ERG: variants seen among roughly 807,000 people sequenced by gnomAD.
ERG encodes ETS transcription factor ERG, also known as transcriptional regulator ERG.
A neutral mutation model predicts 55.3 loss-of-function variants in ERG; 9 were observed. The observed-to-expected ratio is 0.16, with a 90% CI of 0.10 to 0.28. ERG has a LOEUF of 0.28. ERG is among the 10% of genes least tolerant of loss of function. The pLI, the probability that ERG is intolerant of heterozygous loss-of-function variation, is 1.00. For missense variants in ERG, 434 were observed against 631.6 expected (o/e 0.69, Z 3.35); for synonymous variants, 223 against 237.3 (o/e 0.94, Z 0.55).
rs2154563 is a variant in ERG at position 38,408,217 on chromosome 21, G to A, written c.389-4508C>T. 1.6e-4 allele frequency among the ~76,000 whole-genome samples: 25 copies of A among 152,278 alleles called. 1 individual carries two copies. In the South Asian group the frequency reaches 4.1e-3, roughly 25 times the overall value. On this transcript the variant is annotated intron_variant, in intron 3 of 9. Transcript: ENST00000288319. ...CGCACCACTCTCCCAGACCCACTCC[G>A]GAGGTGTTGCAATAGAGGACAGTTT...
intron 2 of ERG, among the ~76,000 whole-genome samples, chr21:38,522,076 TAGAA>T (rs1391791187): frequency 6.6e-6 from 1 of 152,322 alleles, no homozygotes; most frequent in East Asian, 1.9e-4. Flanking sequence ...TTTTCTATTA[TAGAA>T]AGAGTTGCTT....
At chr21:38,412,661 A>G (rs1335529568) in intron 3 of ERG, among the ~76,000 whole-genome samples, 1 of 150,912 alleles carries the variant, frequency 6.6e-6, no homozygotes, top group Non-Finnish European at 1.5e-5. Context: ...TTAGCAACAA[A>G]CTCTCTTTTT....
intron 1 of ERG, among the ~76,000 whole-genome samples, chr21:38,600,792 T>C (rs995757162): frequency 1.3e-5 from 2 of 152,208 alleles, no homozygotes; most frequent in Non-Finnish European, 2.9e-5. Flanking sequence ...TATGTTTTTT[T>C]TGGACAACCA....
At chr21:38,429,829 C>T (rs1184648267) in intron 2 of ERG, among the ~76,000 whole-genome samples, 6 of 152,042 alleles carry the variant, frequency 3.9e-5, no homozygotes, top group South Asian at 2.1e-4. Context: ...TTTGCAATTG[C>T]GAATTGTGCT....
chr21:38,373,582 A>G, the ERG span, among the ~76,000 whole-genome samples: 1 of 152,172 alleles, frequency 6.6e-6, no homozygotes, highest in Admixed American at 6.5e-5. Flanking sequence ...GCTAGCATCC[A>G]AGTCCTGGGT....
intron 1 of ERG, among the ~76,000 whole-genome samples, chr21:38,447,803 G>C (rs1230308229): frequency 6.6e-6 from 1 of 152,088 alleles, no homozygotes; most frequent in Non-Finnish European, 1.5e-5. Flanking sequence ...CTGGGCCTGA[G>C]ACTCGACCAA....
intron 2 of ERG, among the ~76,000 whole-genome samples, chr21:38,528,397 G>GT (rs1392246552): frequency 7.2e-6 from 1 of 137,954 alleles, no homozygotes; most frequent in East Asian, 2.5e-4. Context: ...CCCATATTAG[G>GT]TTGTTTAGTA....
chr21:38,645,921 G>A (rs1466700511), intron 1 of ERG, among the ~76,000 whole-genome samples: 1 of 152,042 alleles, frequency 6.6e-6, no homozygotes, highest in East Asian at 1.9e-4. Context: ...CCAGGAAGAC[G>A]TCGACCAGCA....
chr21:38,527,585 T>A (rs868491131), intron 2 of ERG, among the ~76,000 whole-genome samples: 18 of 152,262 alleles, frequency 1.2e-4, no homozygotes, highest in Admixed American at 1.2e-3. Flanking sequence ...GAGGCGTTGA[T>A]TGCAGTTTTC....
rs142951462 is a variant in ERG, at chr21:38,482,183, G to C, written c.18+16180C>G. ...GATTCTGGGCAGCCCCCGGTCATCTGACCTTCCCAAACATAGGGAAAGGAC... is the reference window on the plus strand; with the variant it reads ...GATTCTGGGCAGCCCCCGGTCATCTCACCTTCCCAAACATAGGGAAAGGAC... On this transcript the variant is annotated intron_variant, in intron 1 of 9. Transcript: ENST00000288319. Among the ~76,000 whole-genome samples, 201 of 152,268 alleles carry C rather than the reference G, an allele frequency of 1.3e-3. 1 individual carries two copies. The highest frequency in any genetic ancestry group is 4.7e-3 in the African/African-American group (196 of 41,548).
chr21:38,427,355 G>A (rs377155211), intron 2 of ERG, among the ~76,000 whole-genome samples: 3 of 152,342 alleles, frequency 2.0e-5, no homozygotes, highest in South Asian at 4.1e-4. Flanking sequence ...GATTACAGGC[G>A]TGAGCCACTT....
In ERG at chr21:38,392,424, T is replaced by TG. The variant is rs2146431948; in HGVS notation, c.765dup (p.Arg256GlnfsTer29). On this transcript the variant is annotated frameshift_variant, in exon 7 of 10. Transcript: ENST00000288319. LOFTEE classifies it high-confidence loss of function. ...CCGTGACCGGTCCAGGCTGATCTCC[T>TG]GGGGGGCTCATATGGTAAATCTGTA... is the stretch of plus-strand genomic sequence containing the variant. The TG allele has an allele frequency of 1.3e-6, 2 of 1,555,064 alleles. No homozygotes were observed. Among genetic ancestry groups the TG allele is most frequent in the Non-Finnish European group, 1.7e-6 (2 of 1,149,030 alleles).
chr21:38,633,341 A>T, intron 1 of ERG, among the ~76,000 whole-genome samples: 1 of 152,222 alleles, frequency 6.6e-6, no homozygotes, highest in East Asian at 1.9e-4. Context: ...ACTGAACTCT[A>T]CACTTAAATA....
At chr21:38,599,356 T>C (rs1419917508) in intron 1 of ERG, among the ~76,000 whole-genome samples, 2 of 152,162 alleles carry the variant, frequency 1.3e-5, no homozygotes, top group Non-Finnish European at 2.9e-5. Flanking sequence ...GATGTCACCC[T>C]GCCATGGAGA....
At chr21:38,444,638 C>T (rs1001624111) in intron 2 of ERG, among the ~76,000 whole-genome samples, 2 of 150,900 alleles carry the variant, frequency 1.3e-5, no homozygotes, top group African/African-American at 2.4e-5. Context: ...ATACATTTTA[C>T]GTGACAGTTG....
rs181119786 is a variant in ERG, at chr21:38,440,592, G to A, written c.236+4812C>T. On this transcript the variant is annotated intron_variant, in intron 2 of 9. Coordinates refer to ENST00000288319, the MANE Select transcript of ERG (RefSeq NM_182918.4). ...TCCCAGCACTTTGGGAGGCTGAGGC[G>A]GGTGGATCACCTGAGGTAAGGAGTT... 2.0e-3 allele frequency among the ~76,000 whole-genome samples: 298 copies of A among 152,098 alleles called. 3 individuals carry two copies. The highest frequency in any genetic ancestry group is 0.017 in the Admixed American group (266 of 15,276).
chr21:38,540,375 G>GCAGT (rs1394323697), intron 2 of ERG, among the ~76,000 whole-genome samples: 1 of 152,088 alleles, frequency 6.6e-6, no homozygotes, highest in African/African-American at 2.4e-5. Flanking sequence ...TGCTCAGAAG[G>GCAGT]CAGTCACTCC....
chr21:38,538,230 A>G (rs986575348), intron 2 of ERG, among the ~76,000 whole-genome samples: 1 of 152,144 alleles, frequency 6.6e-6, no homozygotes, highest in Non-Finnish European at 1.5e-5. Context: ...AAAATGAAAA[A>G]AGTTCTGGAG....
chr21:38,437,383 C>T (rs773590745), intron 2 of ERG, among the ~76,000 whole-genome samples: 15 of 152,178 alleles, frequency 9.9e-5, no homozygotes, highest in African/African-American at 1.7e-4. Flanking sequence ...AGGATGTCCC[C>T]GGCCTCTACC....
Sources: gnomAD v4.1 joint callset for allele counts (sites outside exome capture counted in the v4.1 genomes callset) on GRCh38, gnomAD v4.1.1 for gene constraint, MANE v1.5 for transcripts, NCBI Gene and HGNC (gene_info 2026-07-23, HGNC 2026-07-21) for gene names.